Variants in EDF1 observed in about 807,000 individuals in gnomAD.
EDF1 encodes the protein endothelial differentiation-related factor 1.
EDF1 carries 5 observed loss-of-function variants against 20.8 expected under a neutral mutation model. The observed-to-expected ratio is 0.24, with a 90% confidence interval of 0.13 to 0.51. The LOEUF is 0.51. EDF1 is among the 20% of genes least tolerant of loss of function. The pLI is 0.97. For synonymous variants in EDF1, 96 were observed against 78.5 expected (o/e 1.22, Z -1.18); for missense variants, 137 against 197.8 (o/e 0.69, Z 1.84).
chr9:136,866,185 T>C lies in EDF1; in HGVS notation c.74A>G (p.Lys25Arg). 2 of 1,598,536 alleles carry C rather than the reference T, an allele frequency of 1.3e-6. No homozygotes were observed. The highest frequency in any genetic ancestry group is 1.7e-6 in the Non-Finnish European group (2 of 1,174,672). Reference sequence around the variant, plus strand: ...GCTCCTCAGTCAGCAAAGCACCTGCTTGGATTTGGCCTGGGCGGCCGTAGG... The same window carrying C: ...GCTCCTCAGTCAGCAAAGCACCTGCCTGGATTTGGCCTGGGCGGCCGTAGG... ...KGPTAAQAKSKQAILAAQRRG... is the reference protein window; with the variant it reads ...KGPTAAQAKSRQAILAAQRRG... The change falls in exon 1 of 5, where the codon AAG (lysine) becomes AGG (arginine). Residue 25 changes from lysine to arginine, a missense_variant. By Grantham distance (26) the Lys-to-Arg change is conservative (BLOSUM62 2). Coordinates refer to ENST00000224073, the MANE Select transcript of EDF1 (RefSeq NM_003792.4).
Position 136,862,360 on chromosome 9 carries a change from A to AGCCACTG in EDF1, c.386-22_386-16dup, listed in dbSNP as rs1564391246. 11 of 1,613,998 alleles carry AGCCACTG rather than the reference A, an allele frequency of 6.8e-6. No homozygotes were observed. The highest frequency in any genetic ancestry group is 9.3e-6 in the Non-Finnish European group (11 of 1,179,992). On this transcript the variant is annotated splice_polypyrimidine_tract_variant and intron_variant, in intron 4 of 4. Coordinates refer to ENST00000224073, the MANE Select transcript of EDF1 (RefSeq NM_003792.4). The surrounding 1 kb of genome is among the most constrained non-coding windows in gnomAD (Gnocchi z 4.1). ...GAGCTTGAGGCCTGAAATGAGCCACAGCCACTGGCCACTGCAGCACCAGCT... is the reference window on the plus strand; with the variant it reads ...GAGCTTGAGGCCTGAAATGAGCCACAGCCACTGGCCACTGGCCACTGCAGCACCAGCT...
Position 136,862,391 on chromosome 9 carries a change from C to T in EDF1, c.386-46G>A. The T allele has an allele frequency of 6.2e-7, 1 of 1,613,970 alleles. No individual in the cohort carries two copies. Among genetic ancestry groups the T allele is most frequent in the African/African-American group, 1.3e-5 (1 of 75,034 alleles). On this transcript the variant is annotated intron_variant, in intron 4 of 4. Coordinates refer to ENST00000224073, the MANE Select transcript of EDF1 (RefSeq NM_003792.4). This position sits in a 1 kb window ranked among gnomAD's most constrained non-coding sequence, Gnocchi z 4.1. The stretch of plus-strand genomic sequence containing the variant: ...TGGCCACTGCAGCACCAGCTCCCTC[C>T]TCCCCCCAACGCTGCCCCTCTTCAA...
Position 136,863,144 on chromosome 9 carries a change from G to A in EDF1, c.291+144C>T, listed in dbSNP as rs1849142148. The A allele has an allele frequency of 2.0e-6, 3 of 1,510,096 alleles. No homozygotes were observed. Among genetic ancestry groups the A allele is most frequent in the Non-Finnish European group, 2.7e-6 (3 of 1,111,312 alleles). The allele number at this position is 1,510,096 out of a possible 1,614,324, so 93.5% of individuals were successfully genotyped here. ...CTGGGTTTTGTGCGAGAGGCAGTGA[G>A]AGCCGGGCTGACCTGGCTTCCCGAG... On this transcript the variant is annotated intron_variant, in intron 3 of 4. Transcript: ENST00000224073. This position sits in a 1 kb window ranked among gnomAD's most constrained non-coding sequence, Gnocchi z 4.5.
intron 1 of EDF1, 135 bp from the exon 2 acceptor site, chr9:136,864,006 G>C: frequency 1.1e-6 from 1 of 884,966 alleles, no homozygotes; most frequent in Non-Finnish European, 1.7e-6. Context: ...TGCAGTCCTG[G>C]GTTCAGTTAC....
In EDF1 at chr9:136,862,148, C is replaced by T; in HGVS notation, c.*136G>A. The T allele has an allele frequency of 5.4e-6, 6 of 1,107,296 alleles. No homozygotes were observed. The highest frequency in any genetic ancestry group is 2.7e-5 in the South Asian group (2 of 73,796). The allele number at this position is 1,107,296 out of a possible 1,614,324, so 68.6% of individuals were successfully genotyped here. A position where few individuals can be genotyped will look rare whatever the true frequency, so the allele number is the denominator to read the frequency against. On this transcript the variant is annotated 3_prime_UTR_variant, in exon 5 of 5. Transcript: ENST00000224073. The surrounding 1 kb of genome is among the most constrained non-coding windows in gnomAD (Gnocchi z 4.1). ...TTGCAAGGTTTTGTTTGTTTGACAG[C>T]AGGAATGGGCTGGGGAGGGTCCCCC...
At chr9:136,866,036 C>T (rs562601236) in intron 1 of EDF1, 145 bp downstream of exon 1, 13 of 689,412 alleles carry the variant, frequency 1.9e-5, no homozygotes, top group Non-Finnish European at 2.6e-5. Context: ...CCCCGTCCTG[C>T]CCCCGGCACC....
rs530248029 is a variant in EDF1 at position 136,863,842 on chromosome 9, T to A, written c.108A>T (p.Glu36Asp). Residue 36 changes from glutamate (E) to aspartate (D), a missense_variant, in exon 2 of 5, where the codon GAA becomes GAT. Glu to Asp is a conservative substitution (Grantham distance 45, BLOSUM62 2). Coordinates refer to ENST00000224073, the MANE Select transcript of EDF1 (RefSeq NM_003792.4). This position sits in a 1 kb window ranked among gnomAD's most constrained non-coding sequence, Gnocchi z 4.5. Reference protein sequence around the residue: ...QAILAAQRRGEDVETSKKWAA... With the variant: ...QAILAAQRRGDDVETSKKWAA... ...TACATTTCTTGGAAGTCTCCACATC[T>A]TCTCCTCGTCTCTGTGCCGCTAAGA... 4.7e-5 allele frequency: 76 copies of A among 1,613,920 alleles called. No homozygotes were observed. The South Asian group carries it at 7.5e-4, about 16-fold the overall frequency.
chr9:136,862,468 C>G lies in EDF1; in HGVS notation c.386-123G>C, dbSNP rs1447871686. The stretch of plus-strand genomic sequence containing the variant: ...CCGCTCCCGTGCCTCACTGGGCTCT[C>G]AGCACACGAGCACTCCTGGTTCCCA... On this transcript the variant is annotated intron_variant, in intron 4 of 4. Coordinates refer to ENST00000224073, the MANE Select transcript of EDF1 (RefSeq NM_003792.4). This position sits in a 1 kb window ranked among gnomAD's most constrained non-coding sequence, Gnocchi z 4.1. 5.6e-6 allele frequency: 9 copies of G among 1,613,086 alleles called. No individual in the cohort carries two copies. The highest frequency in any genetic ancestry group is 6.8e-6 in the Non-Finnish European group (8 of 1,179,888).
chr9:136,864,953 G>C (rs908378945), intron 1 of EDF1, among the ~76,000 whole-genome samples: 1 of 152,212 alleles, frequency 6.6e-6, no homozygotes, highest in East Asian at 1.9e-4. Flanking sequence ...GGAGTGACTT[G>C]TGGAGCATCC....
chr9:136,865,410 G>A (rs144263750), intron 1 of EDF1, among the ~76,000 whole-genome samples: 113 of 152,010 alleles, frequency 7.4e-4, no homozygotes, highest in African/African-American at 2.6e-3. Context: ...TCTGACCAGC[G>A]GAGACCAGTA....
rs1466474020 is a variant in EDF1 at position 136,863,705 on chromosome 9, G to A, written c.130+115C>T. The A allele has an allele frequency of 5.2e-6, 7 of 1,355,232 alleles. No individual in the cohort carries two copies. In the Admixed American group the frequency reaches 1.1e-4, roughly 20 times the overall value. The allele number at this position is 1,355,232 out of a possible 1,614,324, so 84.0% of individuals were successfully genotyped here. On this transcript the variant is annotated intron_variant, in intron 2 of 4. Coordinates refer to ENST00000224073, the MANE Select transcript of EDF1 (RefSeq NM_003792.4). The surrounding 1 kb of genome is among the most constrained non-coding windows in gnomAD (Gnocchi z 4.5). Reference sequence around the variant, plus strand: ...CCTCCCAGGGCTCCGGCCAGCACCGGTGCAGGCAGGCACTCAGCTGACAAC... The same window carrying A: ...CCTCCCAGGGCTCCGGCCAGCACCGATGCAGGCAGGCACTCAGCTGACAAC...
chr9:136,865,259 A>G (rs973960422), intron 1 of EDF1, among the ~76,000 whole-genome samples: 1 of 152,110 alleles, frequency 6.6e-6, no homozygotes, highest in Non-Finnish European at 1.5e-5. Flanking sequence ...CATCAGCCAC[A>G]TTGGTAATCT....
At position 136,863,790 on chromosome 9, in the gene EDF1, C is replaced by T. The variant is rs1849159660; in HGVS notation, c.130+30G>A. The T allele has an allele frequency of 6.2e-7, 1 of 1,613,562 alleles. No homozygotes were observed. Reference sequence around the variant, plus strand: ...GCACATGGACCCCACAGCACAGCCTCATGTTGCAAGCGGAAACACAAGTAC... The same window carrying T: ...GCACATGGACCCCACAGCACAGCCTTATGTTGCAAGCGGAAACACAAGTAC... On this transcript the variant is annotated intron_variant, in intron 2 of 4. Transcript: ENST00000224073. The surrounding 1 kb of genome is among the most constrained non-coding windows in gnomAD (Gnocchi z 4.5).
rs1468484442 is a variant in EDF1, at chr9:136,866,306, G to C, written c.-48C>G. ...TCCGGCGGCTCAGCGGCAGCTGCTA[G>C]AGACCTGGCGCGGCGACGCTACGTC... On this transcript the variant is annotated 5_prime_UTR_variant, in exon 1 of 5. Coordinates refer to ENST00000224073, the MANE Select transcript of EDF1 (RefSeq NM_003792.4). 4 of 1,575,832 alleles carry C rather than the reference G, an allele frequency of 2.5e-6. No individual in the cohort carries two copies. The highest frequency in any genetic ancestry group is 1.1e-5 in the South Asian group (1 of 87,310).
In EDF1 at chr9:136,866,277, T is replaced by G. The variant is rs374823091; in HGVS notation, c.-19A>C. On this transcript the variant is annotated 5_prime_UTR_variant, in exon 1 of 5. Transcript: ENST00000224073. ...CGGCCATGGCGGGCGAAGACGAGCG[T>G]CCGTCCGGCGGCTCAGCGGCAGCTG... 1 of 1,592,312 alleles carries G rather than the reference T, an allele frequency of 6.3e-7. No homozygotes were observed. Among genetic ancestry groups the G allele is most frequent in the Admixed American group, 1.7e-5 (1 of 58,694 alleles).
At position 136,863,559 on chromosome 9, in the gene EDF1, T is replaced by C; in HGVS notation, c.131-111A>G. ...GAGGCTGCCTGAACTCAAGGGGACATGGGAACCCAGGCTGTCCCAAGTTCA... is the reference window on the plus strand; with the variant it reads ...GAGGCTGCCTGAACTCAAGGGGACACGGGAACCCAGGCTGTCCCAAGTTCA... On this transcript the variant is annotated intron_variant, in intron 2 of 4. Coordinates refer to ENST00000224073, the MANE Select transcript of EDF1 (RefSeq NM_003792.4). This position sits in a 1 kb window ranked among gnomAD's most constrained non-coding sequence, Gnocchi z 4.5. 4 of 1,394,876 alleles carry C rather than the reference T, an allele frequency of 2.9e-6. No homozygotes were observed. The highest frequency in any genetic ancestry group is 2.7e-5 in the South Asian group (2 of 72,848). 86.4% of individuals were successfully genotyped at this position (1,394,876 alleles called of 1,614,324 possible).
Position 136,862,169 on chromosome 9 carries a change from C to T in EDF1, c.*115G>A. 7.5e-7 allele frequency: 1 copy of T among 1,341,070 alleles called. No individual in the cohort carries two copies. Among genetic ancestry groups the T allele is most frequent in the South Asian group, 1.2e-5 (1 of 83,142 alleles). 83.1% of individuals were successfully genotyped at this position (1,341,070 alleles called of 1,614,324 possible). On this transcript the variant is annotated 3_prime_UTR_variant, in exon 5 of 5. Transcript: ENST00000224073. The surrounding 1 kb of genome is among the most constrained non-coding windows in gnomAD (Gnocchi z 4.1). ...ACAGCAGGAATGGGCTGGGGAGGGT[C>T]CCCCGCAAGCTGGACCCCTTGTTCC...
Position 136,862,571 on chromosome 9 carries a change from C to A in EDF1, c.386-226G>T. 1.9e-6 allele frequency: 3 copies of A among 1,570,094 alleles called. No homozygotes were observed. On this transcript the variant is annotated intron_variant, in intron 4 of 4. Coordinates refer to ENST00000224073, the MANE Select transcript of EDF1 (RefSeq NM_003792.4). The surrounding 1 kb of genome is among the most constrained non-coding windows in gnomAD (Gnocchi z 4.1). ...CACCCCTCTCCGGAAGAACCGGAGCCGGGGTCCTCTGTGGAACTGGCTTCC... is the reference window on the plus strand; with the variant it reads ...CACCCCTCTCCGGAAGAACCGGAGCAGGGGTCCTCTGTGGAACTGGCTTCC...
At position 136,862,905 on chromosome 9, in the gene EDF1, C is replaced by T; in HGVS notation, c.385+1G>A. 1 of 1,613,496 alleles carries T rather than the reference C, an allele frequency of 6.2e-7. No homozygotes were observed. The highest frequency in any genetic ancestry group is 8.5e-7 in the Non-Finnish European group (1 of 1,180,026). ...CCGGCGAAGGGTGGAGGGACACTCA[C>T]CAATGGCCCGCTCGATTTTGCCAAG... On this transcript the variant is annotated splice_donor_variant, in intron 4 of 4. Transcript: ENST00000224073. LOFTEE classifies it high-confidence loss of function. This position sits in a 1 kb window ranked among gnomAD's most constrained non-coding sequence, Gnocchi z 4.1.
Sources: gnomAD v4.1 joint callset for allele counts (sites outside exome capture counted in the v4.1 genomes callset) on GRCh38, gnomAD v4.1.1 for gene constraint, Gnocchi (gnomAD v3.1) non-coding constraint, MANE v1.5 for transcripts, NCBI Gene and HGNC (gene_info 2026-07-23, HGNC 2026-07-21) for gene names.